AMTN: variants seen among roughly 807,000 people sequenced by gnomAD.
The protein encoded by AMTN is amelotin, also known as RSTI689.
Under a neutral mutation model 27.4 loss-of-function variants are expected in AMTN, and 29 were observed. The ratio of observed to expected loss-of-function variants is 1.06; its 90% confidence interval spans 0.79 to 1.44. The LOEUF (loss-of-function observed/expected upper bound fraction) is 1.44, where lower values mean the gene tolerates loss of function less well. AMTN is among the 40% of genes most tolerant of loss of function. The pLI, the probability that AMTN is intolerant of heterozygous loss-of-function variation, is 0.00. For missense variants in AMTN, 247 were observed against 248.8 expected, an observed-to-expected ratio of 0.99 and a Z score of 0.05; for synonymous variants, 86 against 95.7, an observed-to-expected ratio of 0.90 and a Z score of 0.59.
At chr4:70,526,790 G>T (rs371920308) in intron 5 of AMTN, among the ~76,000 whole-genome samples, 1 of 152,100 alleles carries the variant, frequency 6.6e-6, no homozygotes. Flanking sequence ...AGAGTTTCAC[G>T]TTGTACACTC....
intron 2 of AMTN, among the ~76,000 whole-genome samples, chr4:70,519,109 T>C (rs1020844940): frequency 2.6e-5 from 4 of 152,206 alleles, no homozygotes; most frequent in Admixed American, 6.5e-5. Context: ...GAAAAATGAA[T>C]GTGTTAAGTG....
chr4:70,518,903 C>A, intron 2 of AMTN, 72 bp downstream of exon 2: 1 of 1,232,578 alleles, frequency 8.1e-7, no homozygotes, highest in Non-Finnish European at 1.2e-6. Flanking sequence ...CTACCTCTCT[C>A]CTGCCCTCCA....
chr4:70,520,520 G>T (rs1331620628), intron 2 of AMTN, among the ~76,000 whole-genome samples: 1 of 152,194 alleles, frequency 6.6e-6, no homozygotes, highest in East Asian at 1.9e-4. Context: ...TACAGAAAGT[G>T]AAGGCTCTAG....
In AMTN at chr4:70,527,266, C is replaced by T. The variant is rs146043722; in HGVS notation, c.295-1457C>T. 2.4e-3 allele frequency among the ~76,000 whole-genome samples: 360 copies of T among 152,226 alleles called. 4 individuals carry two copies. The highest frequency in any genetic ancestry group is 8.0e-3 in the African/African-American group (333 of 41,494). ...ATTACGATTTCAAATAATTTCTCTA[C>T]CGACAACTAAGAAAAAAGTCCTCTT... On this transcript the variant is annotated intron_variant, in intron 5 of 8. Coordinates refer to ENST00000339336, the MANE Select transcript of AMTN (RefSeq NM_212557.4).
intron 2 of AMTN, among the ~76,000 whole-genome samples, 197 bp from the exon 3 acceptor site, chr4:70,522,558 C>G (rs1025735531): frequency 1.3e-5 from 2 of 152,182 alleles, no homozygotes; most frequent in African/African-American, 4.8e-5. Context: ...TCCACACCAT[C>G]CCACCCCTCC....
Position 70,524,929 on chromosome 4 carries a change from G to A in AMTN, c.262G>A (p.Gly88Arg). 6.2e-7 allele frequency: 1 copy of A among 1,614,040 alleles called. No individual in the cohort carries two copies. The highest frequency in any genetic ancestry group is 8.5e-7 in the Non-Finnish European group (1 of 1,179,946). The change falls in exon 5 of 9, where the codon GGG (glycine) becomes AGG (arginine). Residue 88 changes from glycine to arginine, a missense_variant. Transcript: ENST00000339336. Reference sequence around the variant, plus strand: ...CCAGACCCACCCATTGACCCTGGGAGGGTTGAATGTACAACAGCAACTGCA... The same window carrying A: ...CCAGACCCACCCATTGACCCTGGGAAGGTTGAATGTACAACAGCAACTGCA... ...GTQTHPLTLG[G>R]LNVQQQLHPH...
chr4:70,527,973 C>T (rs935112753), intron 5 of AMTN, among the ~76,000 whole-genome samples: 2 of 152,146 alleles, frequency 1.3e-5, no homozygotes, highest in African/African-American at 4.8e-5. Flanking sequence ...ATTTTAACAG[C>T]AAGATGTCCA....
chr4:70,532,455 G>T lies in AMTN; in HGVS notation c.620G>T (p.Gly207Val). ...IEEATTESANGIQ is the reference protein window; with the variant it reads ...IEEATTESANVIQ ...TAAAAGGTGTTTTATTTTCTTCCAG[G>T]AATTCAGTAAGCTGTTTCAAATTTT... The change falls in exon 9 of 9, where the codon GGA becomes GTA. Residue 207 changes from glycine (G) to valine (V), a missense_variant and splice_region_variant. Gly to Val is a moderately radical substitution (Grantham distance 109). Coordinates refer to ENST00000339336, the MANE Select transcript of AMTN (RefSeq NM_212557.4). The T allele has an allele frequency of 6.2e-7, 1 of 1,604,838 alleles. No homozygotes were observed. Among genetic ancestry groups the T allele is most frequent in the Non-Finnish European group, 8.5e-7 (1 of 1,174,538 alleles).
intron 6 of AMTN, 95 bp downstream of exon 6, chr4:70,528,853 C>A: frequency 2.7e-6 from 3 of 1,121,404 alleles, no homozygotes; most frequent in Non-Finnish European, 3.8e-6. Context: ...GTGAGGTTTC[C>A]AATGTACTTT....
chr4:70,528,576 G>A lies in AMTN; in HGVS notation c.295-147G>A. The A allele has an allele frequency of 5.6e-6, 3 of 534,542 alleles. No individual in the cohort carries two copies. In the South Asian group the frequency reaches 6.3e-5, roughly 11 times the overall value. 33.1% of individuals were successfully genotyped at this position (534,542 alleles called of 1,614,324 possible). A position where few individuals can be genotyped will look rare whatever the true frequency, so the allele number is the denominator to read the frequency against. ...GAGGCAGGAGAATCACTTGAACCCA[G>A]GAGGCAGAGGTTGCAGTGAGCCAAG... On this transcript the variant is annotated intron_variant, in intron 5 of 8. Coordinates refer to ENST00000339336, the MANE Select transcript of AMTN (RefSeq NM_212557.4).
chr4:70,529,572 A>G (rs749826285), intron 7 of AMTN, among the ~76,000 whole-genome samples: 2 of 152,350 alleles, frequency 1.3e-5, no homozygotes, highest in East Asian at 3.9e-4. Flanking sequence ...TACAGGAAAG[A>G]TTAAATTCCT....
At chr4:70,523,817 A>G (rs772949388) in intron 3 of AMTN, 51 bp from the exon 4 acceptor site, 3 of 1,490,270 alleles carry the variant, frequency 2.0e-6, no homozygotes, top group Non-Finnish European at 2.8e-6. Flanking sequence ...CTGACAGAGT[A>G]AGGGAAGCAG....
chr4:70,526,606 CCATAA>C (rs1250903865), intron 5 of AMTN, among the ~76,000 whole-genome samples: 1 of 152,138 alleles, frequency 6.6e-6, no homozygotes, highest in Non-Finnish European at 1.5e-5. Flanking sequence ...AAGAGACTCT[CCATAA>C]CAGGTGATCA....
At chr4:70,532,243 A>T (rs1736241767) in intron 8 of AMTN, among the ~76,000 whole-genome samples, 1 of 152,352 alleles carries the variant, frequency 6.6e-6, no homozygotes, top group South Asian at 2.1e-4. Flanking sequence ...ATGGAACCTA[A>T]GAAATGTGAC....
At position 70,518,830 on chromosome 4, in the gene AMTN, C is replaced by G; in HGVS notation, c.53C>G (p.Pro18Arg). The change falls in exon 2 of 9, where the codon CCA becomes CGA. Residue 18 changes from proline to arginine, a missense_variant and splice_region_variant. Pro to Arg is a moderately radical substitution (Grantham distance 103). Coordinates refer to ENST00000339336, the MANE Select transcript of AMTN (RefSeq NM_212557.4). The stretch of plus-strand genomic sequence containing the variant: ...CTTCTAGGATCAACTCGGTCATTAC[C>G]AGTAAGTATGTTATGTTTGTTTTAT... Reference protein sequence around the residue: ...FCLLGSTRSLPQLKPALGLPP... With the variant: ...FCLLGSTRSLRQLKPALGLPP... The G allele has an allele frequency of 6.2e-7, 1 of 1,608,026 alleles. No individual in the cohort carries two copies. The highest frequency in any genetic ancestry group is 8.5e-7 in the Non-Finnish European group (1 of 1,174,486).
intron 2 of AMTN, among the ~76,000 whole-genome samples, chr4:70,519,994 G>T (rs969291410): frequency 1.4e-5 from 2 of 139,608 alleles, no homozygotes; most frequent in African/African-American, 5.1e-5. Flanking sequence ...TCTAAACAAG[G>T]TAAAGTATGA....
chr4:70,531,075 T>C lies in AMTN; in HGVS notation c.394T>C (p.Phe132Leu). 1 of 1,614,054 alleles carries C rather than the reference T, an allele frequency of 6.2e-7. No homozygotes were observed. The highest frequency in any genetic ancestry group is 8.5e-7 in the Non-Finnish European group (1 of 1,179,964). Residue 132 changes from phenylalanine (F) to leucine (L), a missense_variant, in exon 8 of 9, where the codon TTC becomes CTC. Transcript: ENST00000339336. ...IFTSLIIHSL[F>L]PGGILPTSQA... ...CACGAGCCTCATCATCCATTCCTTG[T>C]TCCCGGGAGGCATCCTGCCCACCAG...
chr4:70,523,752 C>A, intron 3 of AMTN, 116 bp from the exon 4 acceptor site: 1 of 879,114 alleles, frequency 1.1e-6, no homozygotes. Flanking sequence ...CTTTATTTAC[C>A]TTCATGGTAA....
chr4:70,521,640 C>CTCTCTTTTTTTTTT (rs1560572110), intron 2 of AMTN, among the ~76,000 whole-genome samples: 1 of 76,468 alleles, frequency 1.3e-5, no homozygotes. Flanking sequence ...ACCAACCTCT[C>CTCTCTTTTTTTTTT]TTTTTTTTTT....
Sources: allele counts gnomAD v4.1 joint callset (sites outside exome capture counted in the v4.1 genomes callset), GRCh38; gene constraint gnomAD v4.1.1; transcripts MANE v1.5; gene names NCBI Gene and HGNC (gene_info 2026-07-23, HGNC 2026-07-21).